The following PALMD variants were observed in gnomAD, a reference collection of about 807,000 sequenced individuals.
The protein encoded by PALMD is palmdelphin.
Under a neutral mutation model 56.2 loss-of-function variants are expected in PALMD, and 42 were observed. The ratio of observed to expected loss-of-function variants is 0.75; its 90% CI spans 0.58 to 0.97. The LOEUF is 0.97. PALMD is among the 50% of genes least tolerant of loss of function. The pLI is 0.00. For missense variants in PALMD, 660 were observed against 643.8 expected, an observed-to-expected ratio of 1.03 and a Z score of -0.27; for synonymous variants, 242 against 222.9, an observed-to-expected ratio of 1.09 and a Z score of -0.76.
intron 3 of PALMD, chr1:99,668,910 A>C (rs1452192252): frequency 6.6e-6 from 1 of 152,244 alleles, no homozygotes; most frequent in Non-Finnish European, 1.5e-5. Context: ...AATATTTAAA[A>C]GATGGAATTT....
intron 7 of PALMD, among the ~76,000 whole-genome samples, chr1:99,693,570 A>G (rs1249617943): frequency 1.3e-5 from 2 of 152,194 alleles, no homozygotes; most frequent in Non-Finnish European, 2.9e-5. Flanking sequence ...GTATATCCAA[A>G]GGCCAGAGCT....
In PALMD at chr1:99,673,244, T is replaced by C. The variant is rs141516981; in HGVS notation, c.251+5478T>C. On this transcript the variant is annotated intron_variant, in intron 3 of 7. Coordinates refer to ENST00000263174, the MANE Select transcript of PALMD (RefSeq NM_017734.5). ...AGTTAAATTTTTTTGTTACTGGTTA[T>C]CATTTATCAAAGTTTATCTTATTAT... Among the ~76,000 whole-genome samples, 1,017 of 152,290 alleles carry C rather than the reference T, an allele frequency of 6.7e-3. 12 individuals carry two copies. The highest frequency in any genetic ancestry group is 0.023 in the African/African-American group (970 of 41,578).
chr1:99,677,027 TGA>T (rs1328424682), intron 3 of PALMD, among the ~76,000 whole-genome samples: 4 of 152,320 alleles, frequency 2.6e-5, no homozygotes, highest in Non-Finnish European at 5.9e-5. Context: ...TTATTTTAGA[TGA>T]GTTATGATTT....
intron 2 of PALMD, among the ~76,000 whole-genome samples, 192 bp downstream of exon 2, chr1:99,662,591 T>G (rs1161041652): frequency 1.3e-5 from 2 of 152,178 alleles, no homozygotes; most frequent in Non-Finnish European, 2.9e-5. Flanking sequence ...CTAGCAAACA[T>G]GTGCAAAGTT....
chr1:99,688,505 G>T (rs1424517041), intron 6 of PALMD, among the ~76,000 whole-genome samples: 1 of 151,958 alleles, frequency 6.6e-6, no homozygotes, highest in Non-Finnish European at 1.5e-5. Flanking sequence ...TTCCTATTTG[G>T]AACCATCAGC....
chr1:99,688,163 G>A (rs1216037237), intron 6 of PALMD, among the ~76,000 whole-genome samples: 2 of 151,968 alleles, frequency 1.3e-5, no homozygotes, highest in African/African-American at 4.8e-5. Flanking sequence ...AAAATGAAAA[G>A]AAACATAAGG....
chr1:99,662,003 T>C (rs917930599), intron 1 of PALMD, among the ~76,000 whole-genome samples: 2 of 152,182 alleles, frequency 1.3e-5, no homozygotes, highest in Non-Finnish European at 2.9e-5. Flanking sequence ...ACTTGTCTCT[T>C]TACAATTCAC....
At chr1:99,681,445 C>A (rs1653344976) in intron 3 of PALMD, among the ~76,000 whole-genome samples, 2 of 152,012 alleles carry the variant, frequency 1.3e-5, no homozygotes, top group African/African-American at 2.4e-5. Flanking sequence ...AGCTTTAAAT[C>A]AGGGCCGAAT....
At chr1:99,671,558 T>C (rs1277985548) in intron 3 of PALMD, among the ~76,000 whole-genome samples, 1 of 152,224 alleles carries the variant, frequency 6.6e-6, no homozygotes, top group Non-Finnish European at 1.5e-5. Context: ...CAGGTATTTT[T>C]ATTTTTTGGC....
Position 99,646,875 on chromosome 1 carries a change from C to T in PALMD, c.45+513C>T, listed in dbSNP as rs143211666. 3.1e-3 allele frequency among the ~76,000 whole-genome samples: 476 copies of T among 152,016 alleles called. 4 individuals carry two copies. The highest frequency in any genetic ancestry group is 9.7e-3 in the African/African-American group (403 of 41,462). ...AATAATTAAAATGAATGTTAATATA[C>T]GTAATTTAAGCATTAAACAAGAGAA... On this transcript the variant is annotated intron_variant, in intron 1 of 7. Coordinates refer to ENST00000263174, the MANE Select transcript of PALMD (RefSeq NM_017734.5).
intron 3 of PALMD, among the ~76,000 whole-genome samples, chr1:99,675,329 A>G (rs901446705): frequency 6.6e-6 from 1 of 152,200 alleles, no homozygotes; most frequent in African/African-American, 2.4e-5. Context: ...ACTTTTTGCC[A>G]TTTCATTATA....
At chr1:99,690,012 A>C (rs1443503617) in intron 7 of PALMD, 140 bp downstream of exon 7, 8 of 668,426 alleles carry the variant, frequency 1.2e-5, no homozygotes, top group Admixed American at 3.1e-5. Context: ...ATGCTGATAG[A>C]GATTATTATC....
At chr1:99,666,972 G>A (rs1652977547) in intron 2 of PALMD, among the ~76,000 whole-genome samples, 1 of 152,088 alleles carries the variant, frequency 6.6e-6, no homozygotes, top group African/African-American at 2.4e-5. Flanking sequence ...CCAACATTTA[G>A]ACAGATCAGT....
intron 2 of PALMD, among the ~76,000 whole-genome samples, 193 bp downstream of exon 2, chr1:99,662,592 G>A (rs1453080322): frequency 1.3e-5 from 2 of 152,154 alleles, no homozygotes; most frequent in Non-Finnish European, 2.9e-5. Context: ...TAGCAAACAT[G>A]TGCAAAGTTG....
intron 3 of PALMD, among the ~76,000 whole-genome samples, chr1:99,675,285 T>A (rs1653175424): frequency 6.6e-6 from 1 of 152,226 alleles, no homozygotes; most frequent in Non-Finnish European, 1.5e-5. Flanking sequence ...GAATTATTTC[T>A]GAAAGGAAAG....
At chr1:99,687,453 A>G (rs1020927633) in intron 6 of PALMD, among the ~76,000 whole-genome samples, 1 of 152,200 alleles carries the variant, frequency 6.6e-6, no homozygotes, top group Non-Finnish European at 1.5e-5. Flanking sequence ...TCTTAAAAGC[A>G]TAGATTCCCT....
At chr1:99,681,156 T>TAGAGAGAGAGAGAG (rs1399667607) in intron 3 of PALMD, among the ~76,000 whole-genome samples, 3 of 151,492 alleles carry the variant, frequency 2.0e-5, no homozygotes, top group African/African-American at 7.3e-5. Flanking sequence ...TATATATGTA[T>TAGAGAGAGAGAGAG]AGAGCCCGGA....
At chr1:99,655,463 C>A (rs1331830610) in intron 1 of PALMD, among the ~76,000 whole-genome samples, 2 of 151,488 alleles carry the variant, frequency 1.3e-5, no homozygotes, top group Non-Finnish European at 2.9e-5. Flanking sequence ...GTCTAAATAC[C>A]ACATTCCTTG....
At chr1:99,677,067 C>G (rs1653229612) in intron 3 of PALMD, among the ~76,000 whole-genome samples, 1 of 152,042 alleles carries the variant, frequency 6.6e-6, no homozygotes, top group Non-Finnish European at 1.5e-5. Flanking sequence ...TTTCATTTTT[C>G]ACTGCAAACC....
Sources: allele counts gnomAD v4.1 joint callset (sites outside exome capture counted in the v4.1 genomes callset), GRCh38; gene constraint gnomAD v4.1.1; transcripts MANE v1.5; gene names NCBI Gene and HGNC (gene_info 2026-07-23, HGNC 2026-07-21).